GATA4: variants seen among roughly 807,000 people sequenced by gnomAD.
The protein encoded by GATA4 is GATA binding protein 4, also known as transcription factor GATA-4.
Under a neutral mutation model 37.9 loss-of-function variants are expected in GATA4, and 7 were observed. The observed-to-expected ratio is 0.18, with a 90% CI of 0.11 to 0.35. GATA4 has a LOEUF of 0.35. GATA4 is among the 10% of genes least tolerant of loss of function. The probability of loss-of-function intolerance (pLI) is 1.00; values close to 1 mark genes in which losing one functional copy is unlikely to be tolerated. For missense variants in GATA4, 647 were observed against 653.0 expected (o/e 0.99, Z 0.10); for synonymous variants, 372 against 292.6 (o/e 1.27, Z -2.77).
chr8:11,690,933 A>G (rs370923433), upstream of GATA4, among the ~76,000 whole-genome samples: 4 of 152,264 alleles, frequency 2.6e-5, no homozygotes, highest in African/African-American at 9.6e-5. Context: ...TGCCTTGCCC[A>G]GAGGAGCAGT....
rs568879690 is a variant in GATA4 at position 11,708,654 on chromosome 8, C to A, written c.342C>A (p.Thr114=). 8 of 1,313,568 alleles carry A rather than the reference C, an allele frequency of 6.1e-6. No individual in the cohort carries two copies. The East Asian group carries it at 1.9e-4, about 31-fold the overall frequency. The allele number at this position is 1,313,568 out of a possible 1,614,324, so 81.4% of individuals were successfully genotyped here. The part of the protein sequence containing the change: ...VSPRFSFPGT[T]GSLAAAAAAA... The stretch of plus-strand genomic sequence containing the variant: ...CGCGCTTCTCCTTCCCGGGGACCAC[C>A]GGGTCCCTGGCGGCCGCCGCCGCCG... Residue 114 remains threonine (T), a synonymous_variant, in exon 2 of 7, where the codon ACC becomes ACA. Coordinates refer to ENST00000532059, the MANE Select transcript of GATA4 (RefSeq NM_001308093.3). This position sits in a 1 kb window ranked among gnomAD's most constrained non-coding sequence, Gnocchi z 6.7.
chr8:11,695,041 G>A (rs548156306), intron 1 of GATA4, among the ~76,000 whole-genome samples: 1 of 152,178 alleles, frequency 6.6e-6, no homozygotes, highest in South Asian at 2.1e-4. Context: ...GCTACCTTGC[G>A]CCCTGATGGT....
intron 2 of GATA4, among the ~76,000 whole-genome samples, chr8:11,741,325 A>G (rs923808725): frequency 1.3e-5 from 2 of 152,068 alleles, no homozygotes; most frequent in African/African-American, 4.8e-5. Flanking sequence ...AAAATGCTAG[A>G]AAAATTAGCT....
In GATA4 at chr8:11,709,087, CTGG is replaced by C. The variant is rs1800044384; in HGVS notation, c.616+160_616+162del. ...AGGGAAGGCAGAAGCCAGTGCGGGG[CTGG>C]CGACATCACAGCCCCAGAAGACCGG... On this transcript the variant is annotated intron_variant, in intron 2 of 6. Coordinates refer to ENST00000532059, the MANE Select transcript of GATA4 (RefSeq NM_001308093.3). The surrounding 1 kb of genome is among the most constrained non-coding windows in gnomAD (Gnocchi z 4.3). Among the ~76,000 whole-genome samples the C allele has an allele frequency of 6.6e-6, 1 of 152,174 alleles. No individual in the cohort carries two copies. Among genetic ancestry groups the C allele is most frequent in the East Asian group, 1.9e-4 (1 of 5,160 alleles).
chr8:11,681,094 C>T, intron 1 of GATA4: 2 of 971,872 alleles, frequency 2.1e-6, no homozygotes, highest in Non-Finnish European at 2.4e-6. Context: ...GCATGGGTGG[C>T]GCCCCAGGCT....
intron 5 of GATA4, among the ~76,000 whole-genome samples, chr8:11,755,503 G>A (rs1011046716): frequency 1.4e-4 from 22 of 152,152 alleles, no homozygotes; most frequent in Non-Finnish European, 2.9e-4. Flanking sequence ...TTGGGCTAAC[G>A]GGGATCCAGG....
At chr8:11,745,487 G>T (rs1393722745) in intron 2 of GATA4, among the ~76,000 whole-genome samples, 3 of 151,924 alleles carry the variant, frequency 2.0e-5, no homozygotes, top group Non-Finnish European at 4.4e-5. Context: ...TTGGGAGGCT[G>T]AGGTGGGAGG....
intron 2 of GATA4, among the ~76,000 whole-genome samples, chr8:11,743,438 G>T (rs1801859510): frequency 1.3e-5 from 2 of 152,250 alleles, no homozygotes; most frequent in Non-Finnish European, 2.9e-5. Context: ...GCTCTCCCCA[G>T]CAGGTGGAAG....
chr8:11,737,350 G>C (rs1245533060), intron 2 of GATA4, among the ~76,000 whole-genome samples: 1 of 152,198 alleles, frequency 6.6e-6, no homozygotes, highest in Non-Finnish European at 1.5e-5. Context: ...TCCTCCTGAC[G>C]GCAGGCCATG....
intron 5 of GATA4, chr8:11,756,562 C>T (rs1037115058): frequency 1.4e-5 from 5 of 351,034 alleles, no homozygotes; most frequent in East Asian, 7.2e-5. Flanking sequence ...ATGATATTCA[C>T]GTGTTTTGCT....
At chr8:11,736,684 G>T (rs1269098763) in intron 2 of GATA4, among the ~76,000 whole-genome samples, 1 of 152,230 alleles carries the variant, frequency 6.6e-6, no homozygotes, top group Non-Finnish European at 1.5e-5. Context: ...TGTCTTTAAT[G>T]TTGGGCTTCC....
chr8:11,688,799 G>C (rs925018304), upstream of GATA4, among the ~76,000 whole-genome samples: 7 of 152,164 alleles, frequency 4.6e-5, no homozygotes, highest in Non-Finnish European at 8.8e-5. Flanking sequence ...AGAATTGATG[G>C]CCCCAATTAA....
At position 11,758,848 on chromosome 8, in the gene GATA4, G is replaced by A; in HGVS notation, c.*373G>A. The A allele has an allele frequency of 5.9e-6, 2 of 340,890 alleles. No individual in the cohort carries two copies. The highest frequency in any genetic ancestry group is 2.5e-5 in the South Asian group (1 of 39,262). 21.1% of individuals were successfully genotyped at this position (340,890 alleles called of 1,614,324 possible). On this transcript the variant is annotated 3_prime_UTR_variant, in exon 7 of 7. Coordinates refer to ENST00000532059, the MANE Select transcript of GATA4 (RefSeq NM_001308093.3). ...GAGAACAAGCGGAGGGCCGGGCCCT[G>A]GGACCCCTGCTCCAGCCCGAATGAC... is the stretch of plus-strand genomic sequence containing the variant.
chr8:11,754,218 C>T (rs12335218), intron 4 of GATA4, among the ~76,000 whole-genome samples: 3 of 152,186 alleles, frequency 2.0e-5, no homozygotes, highest in Admixed American at 6.5e-5. Context: ...AGCACCGCTG[C>T]ACCCTCACAC....
chr8:11,683,445 A>G lies in GATA4; in HGVS notation c.-274+6382A>G, dbSNP rs946304138. 2.6e-5 allele frequency among the ~76,000 whole-genome samples: 4 copies of G among 152,018 alleles called. No individual in the cohort carries two copies. The East Asian group carries it at 7.7e-4, about 29-fold the overall frequency. ...TTGGAGGTATCGTTTTTTTTCTTTT[A>G]AGAAGTTCAATGAGCTTTACATTGT... On this transcript the variant is annotated intron_variant, in intron 1 of 6. Coordinates refer to the GATA4 transcript ENST00000528712.
upstream of GATA4, among the ~76,000 whole-genome samples, chr8:11,700,105 C>A (rs1799625071): frequency 6.6e-6 from 1 of 152,152 alleles, no homozygotes; most frequent in Non-Finnish European, 1.5e-5. Flanking sequence ...ACCGTCTTTC[C>A]CTTCCTCTTG....
At chr8:11,718,419 TA>T (rs1392178389) in intron 2 of GATA4, among the ~76,000 whole-genome samples, 1 of 152,236 alleles carries the variant, frequency 6.6e-6, no homozygotes, top group Non-Finnish European at 1.5e-5. Flanking sequence ...AAAGGAGGAG[TA>T]AAATCCAGAC....
chr8:11,689,331 G>A (rs572059322), upstream of GATA4, among the ~76,000 whole-genome samples: 100 of 152,294 alleles, frequency 6.6e-4, 1 homozygote, highest in African/African-American at 2.4e-3. Context: ...CTTATACATA[G>A]AGTGACCACA....
At chr8:11,736,916 G>T (rs1219472083) in intron 2 of GATA4, among the ~76,000 whole-genome samples, 1 of 152,186 alleles carries the variant, frequency 6.6e-6, no homozygotes, top group Non-Finnish European at 1.5e-5. Flanking sequence ...GTCCACGACT[G>T]CAGGGCATTG....
Sources: allele counts gnomAD v4.1 joint callset (sites outside exome capture counted in the v4.1 genomes callset), GRCh38; gene constraint gnomAD v4.1.1; non-coding constraint Gnocchi (gnomAD v3.1); transcripts MANE v1.5; gene names NCBI Gene and HGNC (gene_info 2026-07-23, HGNC 2026-07-21).